Variants in ALPK1 observed in about 807,000 individuals in gnomAD.
The protein encoded by ALPK1 is alpha kinase 1.
In ALPK1, 110 loss-of-function variants were observed where a neutral mutation model predicts 120.6. That is an observed-to-expected ratio of 0.91 (90% confidence interval 0.78 to 1.07). ALPK1 has a LOEUF of 1.07. Among genes scored for constraint, ALPK1 ranks in the 50% least tolerant of loss-of-function variants. The pLI is 0.00. For missense variants in ALPK1, 1,498 were observed against 1,483.9 expected (o/e 1.01, Z -0.16); for synonymous variants, 582 against 560.3 (o/e 1.04, Z -0.55).
chr4:112,408,551 A>G (rs1015893956), intron 4 of ALPK1, among the ~76,000 whole-genome samples: 91 of 151,462 alleles, frequency 6.0e-4, no homozygotes, highest in African/African-American at 2.2e-3. Context: ...GCTCGCTACA[A>G]CCTCTGCCTC....
Position 112,426,539 on chromosome 4 carries a change from A to G in ALPK1, c.695A>G (p.Lys232Arg). The G allele has an allele frequency of 6.4e-7, 1 of 1,574,670 alleles. No homozygotes were observed. The highest frequency in any genetic ancestry group is 8.6e-7 in the Non-Finnish European group (1 of 1,165,174). The change falls in exon 8 of 16, where the codon AAA (lysine) becomes AGA (arginine). Residue 232 changes from lysine to arginine, a missense_variant. Physicochemically the swap from Lys to Arg is conservative, Grantham distance 26. Coordinates refer to ENST00000650871, the MANE Select transcript of ALPK1 (RefSeq NM_025144.4). Reference protein sequence around the residue: ...VGYLALPQPDKKGLSTSLGIL... With the variant: ...VGYLALPQPDRKGLSTSLGIL... ...TATTTGGCACTTCCTCAGCCGGATA[A>G]AAAGGTGGTTTGTCTAGTGCTTCTT...
At chr4:112,412,965 G>T (rs1240231469) in intron 5 of ALPK1, among the ~76,000 whole-genome samples, 1 of 152,228 alleles carries the variant, frequency 6.6e-6, no homozygotes, top group Non-Finnish European at 1.5e-5. Flanking sequence ...TGGGCTAGTG[G>T]AGGTTACCTT....
rs57802059 is a variant in ALPK1 at position 112,362,754 on chromosome 4, C to T, written c.-100-14924C>T. ...CAAAGAACACCTGGGAAATTTATTG[C>T]GAAAAGATCATCACCTAGGCACATA... On this transcript the variant is annotated intron_variant, in intron 2 of 15. Coordinates refer to ENST00000650871, the MANE Select transcript of ALPK1 (RefSeq NM_025144.4). Among the ~76,000 whole-genome samples, 598 of 152,214 alleles carry T rather than the reference C, an allele frequency of 3.9e-3. 7 individuals are homozygous for T. Among genetic ancestry groups the T allele is most frequent in the African/African-American group, 0.013 (536 of 41,524 alleles).
At chr4:112,345,955 C>T (rs1363440690) in intron 2 of ALPK1, among the ~76,000 whole-genome samples, 1 of 152,148 alleles carries the variant, frequency 6.6e-6, no homozygotes, top group African/African-American at 2.4e-5. Flanking sequence ...CCTTTGTCTC[C>T]CGGGTTCAAG....
intron 2 of ALPK1, chr4:112,356,576 G>A: frequency 7.5e-6 from 6 of 796,008 alleles, no homozygotes; most frequent in Non-Finnish European, 1.3e-5. Flanking sequence ...TCCACCCTGA[G>A]GTGAAGAAGC....
chr4:112,429,855 G>A (rs56770783), intron 10 of ALPK1, among the ~76,000 whole-genome samples: 9,228 of 41,554 alleles, frequency 0.22, 451 homozygotes, highest in African/African-American at 0.33. Context: ...AAAAAAAAAA[G>A]AAAAGAAAAG....
chr4:112,366,862 C>T (rs1731180953), intron 2 of ALPK1, among the ~76,000 whole-genome samples: 2 of 152,190 alleles, frequency 1.3e-5, no homozygotes, highest in South Asian at 4.1e-4. Flanking sequence ...GACTACTACT[C>T]AGCCATAAAA....
chr4:112,392,079 T>C (rs1350780080), intron 4 of ALPK1, among the ~76,000 whole-genome samples: 1 of 152,220 alleles, frequency 6.6e-6, no homozygotes, highest in Non-Finnish European at 1.5e-5. Flanking sequence ...TAAACATAAC[T>C]AGAGAAAATA....
intron 2 of ALPK1, among the ~76,000 whole-genome samples, chr4:112,367,883 T>A (rs1270650340): frequency 6.6e-6 from 1 of 152,244 alleles, no homozygotes; most frequent in Non-Finnish European, 1.5e-5. Context: ...TCAAAAATTC[T>A]ATCTTCAGCT....
intron 4 of ALPK1, among the ~76,000 whole-genome samples, chr4:112,393,569 C>T (rs1560668063): frequency 6.6e-6 from 1 of 152,072 alleles, no homozygotes; most frequent in Non-Finnish European, 1.5e-5. Context: ...ATAAACATTG[C>T]TTACCATTAT....
intron 4 of ALPK1, among the ~76,000 whole-genome samples, chr4:112,403,908 C>T (rs190242209): frequency 2.5e-4 from 38 of 152,266 alleles, no homozygotes; most frequent in African/African-American, 8.4e-4. Flanking sequence ...AAATATATGG[C>T]GTGTTCTTGA....
chr4:112,323,209 G>A (rs552853355), intron 2 of ALPK1, among the ~76,000 whole-genome samples: 18 of 152,122 alleles, frequency 1.2e-4, no homozygotes, highest in African/African-American at 3.6e-4. Flanking sequence ...TGTCCTAGTC[G>A]GTCTTCTAAG....
At position 112,432,355 on chromosome 4, in the gene ALPK1, A is replaced by G; in HGVS notation, c.2808A>G (p.Ala936=). 6 of 1,614,024 alleles carry G rather than the reference A, an allele frequency of 3.7e-6. No homozygotes were observed. Among genetic ancestry groups the G allele is most frequent in the South Asian group, 1.1e-5 (1 of 91,066 alleles). The part of the protein sequence containing the change: ...SSSVWWLKSP[A]FSSGSSEGDS... The stretch of plus-strand genomic sequence containing the variant: ...CAGTGTGGTGGCTGAAATCACCTGC[A>G]TTTTCCAGTGGTTCTTCTGAGGGGG... Residue 936 remains alanine (A), a synonymous_variant, in exon 11 of 16, where the codon GCA becomes GCG. Coordinates refer to ENST00000650871, the MANE Select transcript of ALPK1 (RefSeq NM_025144.4).
intron 2 of ALPK1, among the ~76,000 whole-genome samples, chr4:112,326,327 GT>G (rs1434791217): frequency 1.3e-5 from 2 of 152,172 alleles, no homozygotes; most frequent in Non-Finnish European, 2.9e-5. Context: ...AACTGAGTTA[GT>G]TTCTGTTAAA....
intron 12 of ALPK1, among the ~76,000 whole-genome samples, chr4:112,436,284 T>C (rs56145558): frequency 0.026 from 3,434 of 133,054 alleles, 48 homozygotes; most frequent in Middle Eastern, 0.057. Flanking sequence ...CAAAACCCTC[T>C]GAGGGTAGAT....
rs1337763275 is a variant in ALPK1 at position 112,382,653 on chromosome 4, C to T, written c.276+101C>T. On this transcript the variant is annotated intron_variant, in intron 4 of 15. Coordinates refer to ENST00000650871, the MANE Select transcript of ALPK1 (RefSeq NM_025144.4). Reference sequence around the variant, plus strand: ...AAATTTCTTTGAAGCACAAGACAGCCCCCTACCCTTATGCTCAGCTCTGCC... The same window carrying T: ...AAATTTCTTTGAAGCACAAGACAGCTCCCTACCCTTATGCTCAGCTCTGCC... 5 of 1,513,924 alleles carry T rather than the reference C, an allele frequency of 3.3e-6. No individual in the cohort carries two copies. The East Asian group carries it at 9.1e-5, about 27-fold the overall frequency. 93.8% of individuals were successfully genotyped at this position (1,513,924 alleles called of 1,614,324 possible).
intron 2 of ALPK1, among the ~76,000 whole-genome samples, chr4:112,317,783 GT>G (rs1391708679): frequency 6.6e-6 from 1 of 151,992 alleles, no homozygotes; most frequent in Non-Finnish European, 1.5e-5. Flanking sequence ...TTTTTGCAGA[GT>G]TGCTATTACA....
At chr4:112,412,111 C>T (rs576303718) in intron 5 of ALPK1, 86 bp downstream of exon 5, 71 of 1,509,354 alleles carry the variant, frequency 4.7e-5, no homozygotes, top group Non-Finnish European at 6.1e-5. Context: ...CTGTGGGACA[C>T]CCGGAGCACC....
At chr4:112,383,933 G>C (rs1732038081) in intron 4 of ALPK1, 1 of 152,146 alleles carries the variant, frequency 6.6e-6, no homozygotes, top group African/African-American at 2.4e-5. Flanking sequence ...CTAATATAAT[G>C]CCTATTTTGT....
Sources: allele counts gnomAD v4.1 joint callset (sites outside exome capture counted in the v4.1 genomes callset), GRCh38; gene constraint gnomAD v4.1.1; transcripts MANE v1.5; gene names NCBI Gene and HGNC (gene_info 2026-07-23, HGNC 2026-07-21).